The following NAALADL2 variants were observed in gnomAD, a reference collection of about 807,000 sequenced individuals.
NAALADL2 encodes the protein inactive N-acetylated-alpha-linked acidic dipeptidase-like protein 2.
NAALADL2 carries 76 observed loss-of-function variants against 87.2 expected under a neutral mutation model. The observed-to-expected ratio is 0.87, with a 90% confidence interval of 0.72 to 1.05. The LOEUF is 1.05. NAALADL2 is among the 50% of genes least tolerant of loss of function. NAALADL2 has a pLI of 0.00. For missense variants in NAALADL2, 1,089 were observed against 945.8 expected (o/e 1.15, Z -1.99); for synonymous variants, 354 against 331.0 (o/e 1.07, Z -0.75).
intron 1 of NAALADL2, among the ~76,000 whole-genome samples, chr3:175,092,641 T>C (rs1207655446): frequency 2.6e-5 from 4 of 151,936 alleles, no homozygotes; most frequent in African/African-American, 9.7e-5. Flanking sequence ...AATCAGTTTA[T>C]TTTAAACTAT....
chr3:175,746,856 T>C (rs1243853313), intron 12 of NAALADL2, among the ~76,000 whole-genome samples: 21 of 152,212 alleles, frequency 1.4e-4, no homozygotes. Flanking sequence ...TACATAACCA[T>C]ATTAAATTGG....
intron 1 of NAALADL2, among the ~76,000 whole-genome samples, chr3:175,013,095 T>TG (rs1750140288): frequency 1.7e-5 from 1 of 59,390 alleles, no homozygotes; most frequent in Non-Finnish European, 2.4e-5. Context: ...TATTTATATA[T>TG]AAATATACAT....
Position 175,697,863 on chromosome 3 carries a change from A to G in NAALADL2, c.1897-39443A>G, listed in dbSNP as rs1364387311. On this transcript the variant is annotated intron_variant, in intron 11 of 13. Coordinates refer to ENST00000454872, the MANE Select transcript of NAALADL2 (RefSeq NM_207015.3). ...TATGTATACATATATATGTGTATAT[A>G]TGTATGTATACATATATATGTGTAT... 8.6e-4 allele frequency among the ~76,000 whole-genome samples: 74 copies of G among 86,090 alleles called. 2 individuals carry two copies. The highest frequency in any genetic ancestry group is 3.3e-3 in the African/African-American group (68 of 20,606). 56.5% of individuals were successfully genotyped at this position (86,090 alleles called of 152,430 possible).
At chr3:174,840,821 A>G (rs1177747723) in intron 3 of NAALADL2, among the ~76,000 whole-genome samples, 1 of 152,126 alleles carries the variant, frequency 6.6e-6, no homozygotes, top group Admixed American at 6.6e-5. Flanking sequence ...AGAAACGTCT[A>G]TTTTAAGAAC....
At chr3:175,780,132 CG>C (rs1282478247) in intron 13 of NAALADL2, among the ~76,000 whole-genome samples, 23 of 151,410 alleles carry the variant, frequency 1.5e-4, no homozygotes, top group Non-Finnish European at 3.1e-4. Flanking sequence ...AAAAATTAGC[CG>C]GGCGTGGTGG....
intron 13 of NAALADL2, among the ~76,000 whole-genome samples, chr3:175,759,579 A>G (rs1747726346): frequency 6.6e-6 from 1 of 152,028 alleles, no homozygotes; most frequent in Admixed American, 6.6e-5. Context: ...GCTGGTCTCA[A>G]ACTCCTGACC....
At chr3:175,069,126 A>G (rs1715089922) in intron 1 of NAALADL2, among the ~76,000 whole-genome samples, 1 of 150,942 alleles carries the variant, frequency 6.6e-6, no homozygotes, top group Non-Finnish European at 1.5e-5. Context: ...CTCAAACACC[A>G]AAAGCAATGG....
chr3:175,451,490 G>A (rs1721573873), intron 6 of NAALADL2, among the ~76,000 whole-genome samples: 1 of 151,944 alleles, frequency 6.6e-6, no homozygotes, highest in African/African-American at 2.4e-5. Flanking sequence ...GTCAATATTT[G>A]TCTTTGAAGT....
intron 1 of NAALADL2, among the ~76,000 whole-genome samples, chr3:174,520,885 C>T (rs1047045512): frequency 6.6e-6 from 1 of 152,030 alleles, no homozygotes; most frequent in African/African-American, 2.4e-5. Flanking sequence ...GGATAAAGGA[C>T]ATACAAGCAG....
chr3:175,513,933 G>A (rs1399227378), intron 9 of NAALADL2, among the ~76,000 whole-genome samples: 1 of 152,168 alleles, frequency 6.6e-6, no homozygotes, highest in East Asian at 1.9e-4. Flanking sequence ...TGTAAATATG[G>A]GAGACAAAGC....
At chr3:174,990,585 G>T (rs936440710) in intron 1 of NAALADL2, among the ~76,000 whole-genome samples, 2 of 152,092 alleles carry the variant, frequency 1.3e-5, no homozygotes, top group African/African-American at 4.8e-5. Flanking sequence ...TATATGGAAA[G>T]CCGGGAGGAA....
At chr3:175,359,084 C>A (rs1764696257) in intron 5 of NAALADL2, among the ~76,000 whole-genome samples, 1 of 151,932 alleles carries the variant, frequency 6.6e-6, no homozygotes, top group Admixed American at 6.6e-5. Context: ...AGATTTAATT[C>A]CTATCCACCA....
chr3:175,061,180 GCAA>G (rs1206265493), intron 1 of NAALADL2, among the ~76,000 whole-genome samples: 2 of 152,076 alleles, frequency 1.3e-5, no homozygotes, highest in Non-Finnish European at 2.9e-5. Flanking sequence ...GTAGAAGAGG[GCAA>G]CAACCTCATT....
chr3:174,936,680 T>C (rs1282454012), intron 1 of NAALADL2, among the ~76,000 whole-genome samples: 1 of 152,148 alleles, frequency 6.6e-6, no homozygotes, highest in African/African-American at 2.4e-5. Context: ...TTTTTGTTTG[T>C]AATCACCTAA....
intron 2 of NAALADL2, among the ~76,000 whole-genome samples, chr3:175,181,514 CT>C (rs1299829776): frequency 6.6e-6 from 1 of 151,316 alleles, no homozygotes; most frequent in Non-Finnish European, 1.5e-5. Context: ...GTATGCTTTG[CT>C]TCTATGAGTT....
intron 13 of NAALADL2, among the ~76,000 whole-genome samples, chr3:175,772,799 A>G (rs554803224): frequency 7.2e-5 from 11 of 152,246 alleles, no homozygotes; most frequent in Admixed American, 2.6e-4. Flanking sequence ...GGAATAGTAG[A>G]TCCTTCCCGC....
At chr3:174,932,239 T>C (rs1473544494) in intron 1 of NAALADL2, among the ~76,000 whole-genome samples, 1 of 152,160 alleles carries the variant, frequency 6.6e-6, no homozygotes, top group East Asian at 1.9e-4. Flanking sequence ...TCTAACAGCA[T>C]ATCATTAACC....
At chr3:175,218,806 A>G (rs768958377) in intron 2 of NAALADL2, among the ~76,000 whole-genome samples, 4 of 151,278 alleles carry the variant, frequency 2.6e-5, no homozygotes, top group Non-Finnish European at 4.4e-5. Context: ...ATTTTATTTT[A>G]TTTTGTTTTG....
intron 13 of NAALADL2, among the ~76,000 whole-genome samples, chr3:175,797,547 G>A (rs1051846731): frequency 6.6e-5 from 10 of 152,122 alleles, no homozygotes; most frequent in African/African-American, 2.4e-4. Context: ...CTTTTAATAT[G>A]GAAACTCTCA....
Sources: gnomAD v4.1 joint callset for allele counts (sites outside exome capture counted in the v4.1 genomes callset) on GRCh38, gnomAD v4.1.1 for gene constraint, MANE v1.5 for transcripts, NCBI Gene and HGNC (gene_info 2026-07-23, HGNC 2026-07-21) for gene names.